The following IMMP2L variants were observed in gnomAD, a reference collection of about 807,000 sequenced individuals.
IMMP2L encodes the protein mitochondrial inner membrane protease subunit 2.
IMMP2L carries 18 observed loss-of-function variants against 19.3 expected under a neutral mutation model. The ratio of observed to expected loss-of-function variants is 0.93; its 90% CI spans 0.64 to 1.38. The LOEUF is 1.38. Ranked by LOEUF, IMMP2L falls within the 40% of genes most tolerant of loss-of-function variation. IMMP2L has a pLI of 0.00. For synonymous variants in IMMP2L, 76 were observed against 73.0 expected (o/e 1.04, Z -0.21); for missense variants, 233 against 218.2 (o/e 1.07, Z -0.43).
At chr7:110,967,091 T>C (rs904598697) in intron 3 of IMMP2L, among the ~76,000 whole-genome samples, 4 of 152,112 alleles carry the variant, frequency 2.6e-5, no homozygotes, top group Non-Finnish European at 4.4e-5. Flanking sequence ...TTTGGCAAGA[T>C]TTCTCCAGAG....
intron 3 of IMMP2L, among the ~76,000 whole-genome samples, chr7:111,113,483 G>C (rs1391866076): frequency 6.6e-6 from 1 of 151,902 alleles, no homozygotes; most frequent in African/African-American, 2.4e-5. Context: ...GCATACTTGT[G>C]CCTGTTCATA....
intron 2 of IMMP2L, among the ~76,000 whole-genome samples, chr7:111,508,370 A>G (rs1044497163): frequency 6.6e-6 from 1 of 152,210 alleles, no homozygotes; most frequent in Non-Finnish European, 1.5e-5. Context: ...AATTAAAAAA[A>G]GAACATAATT....
intron 1 of IMMP2L, among the ~76,000 whole-genome samples, chr7:111,557,313 A>G (rs1791481434): frequency 6.6e-6 from 1 of 152,106 alleles, no homozygotes; most frequent in South Asian, 2.1e-4. Context: ...ACTACTACAC[A>G]TGGTATAAGA....
chr7:110,836,270 C>T (rs1804464646), intron 5 of IMMP2L, among the ~76,000 whole-genome samples: 1 of 152,084 alleles, frequency 6.6e-6, no homozygotes, highest in South Asian at 2.1e-4. Context: ...GAGAGTAAAA[C>T]CTGAATTTAC....
chr7:111,267,448 G>A (rs1218775893), intron 3 of IMMP2L, among the ~76,000 whole-genome samples: 3 of 152,100 alleles, frequency 2.0e-5, no homozygotes, highest in Non-Finnish European at 2.9e-5. Flanking sequence ...GCTGCAGGGT[G>A]ATGGGAACTT....
chr7:110,756,178 T>C (rs1798030977), intron 5 of IMMP2L, among the ~76,000 whole-genome samples: 1 of 152,026 alleles, frequency 6.6e-6, no homozygotes, highest in African/African-American at 2.4e-5. Context: ...GATGCAGACA[T>C]GAGACATATT....
chr7:110,911,035 A>C (rs2129548345), intron 4 of IMMP2L, among the ~76,000 whole-genome samples: 1 of 152,308 alleles, frequency 6.6e-6, no homozygotes, highest in South Asian at 2.1e-4. Flanking sequence ...TCTTCAATAT[A>C]TGTGAAGCAT....
chr7:111,170,548 T>C (rs189631850), intron 3 of IMMP2L, among the ~76,000 whole-genome samples: 5 of 151,698 alleles, frequency 3.3e-5, no homozygotes, highest in African/African-American at 4.8e-5. Flanking sequence ...CCAGAAGAAA[T>C]TGATAGCACT....
intron 3 of IMMP2L, among the ~76,000 whole-genome samples, chr7:111,049,491 T>A (rs1286619159): frequency 6.6e-6 from 1 of 152,180 alleles, no homozygotes; most frequent in Non-Finnish European, 1.5e-5. Flanking sequence ...TATAGCTAAG[T>A]GACCTTTTAG....
chr7:111,223,700 GTA>G (rs1423087891), intron 3 of IMMP2L, among the ~76,000 whole-genome samples: 1 of 152,000 alleles, frequency 6.6e-6, no homozygotes, highest in Middle Eastern at 3.2e-3. Flanking sequence ...TGGCTATAGG[GTA>G]TATTTAACTG....
At chr7:110,689,654 T>G (rs1186086523) in intron 5 of IMMP2L, among the ~76,000 whole-genome samples, 17 of 152,200 alleles carry the variant, frequency 1.1e-4, no homozygotes, top group Non-Finnish European at 1.5e-5. Context: ...GAGATCATCC[T>G]CAAACCCCAA....
rs909751613 is a variant in IMMP2L at position 111,422,559 on chromosome 7, A to T, written c.239+64679T>A. On this transcript the variant is annotated intron_variant, in intron 3 of 5. Coordinates refer to ENST00000405709, the MANE Select transcript of IMMP2L (RefSeq NM_032549.4). ...ATAGAAATGCTTGTGATTTTTGCAC[A>T]TTGGTTTTGCATCCTGAGACTTTGC... Among the ~76,000 whole-genome samples, 32 of 151,826 alleles carry T rather than the reference A, an allele frequency of 2.1e-4. 2 individuals are homozygous for T. Among genetic ancestry groups the T allele is most frequent in the African/African-American group, 7.5e-4 (31 of 41,136 alleles).
intron 3 of IMMP2L, chr7:111,393,039 T>C (rs1407719948): frequency 3.0e-6 from 1 of 332,828 alleles, no homozygotes; most frequent in Admixed American, 3.8e-5. Flanking sequence ...CCATCAGTGA[T>C]TAGCTCAATC....
intron 3 of IMMP2L, among the ~76,000 whole-genome samples, chr7:111,109,534 T>C (rs916430914): frequency 1.3e-5 from 2 of 152,110 alleles, no homozygotes; most frequent in African/African-American, 4.8e-5. Flanking sequence ...AAAGCTTTAT[T>C]ACACAGAGCT....
At chr7:110,996,148 A>AT (rs375061058) in intron 3 of IMMP2L, among the ~76,000 whole-genome samples, 11 of 152,198 alleles carry the variant, frequency 7.2e-5, no homozygotes, top group African/African-American at 2.7e-4. Context: ...TATAAGTGCT[A>AT]TGACAAGTCA....
intron 3 of IMMP2L, among the ~76,000 whole-genome samples, chr7:111,297,336 C>T (rs75481137): frequency 0.02 from 3,075 of 152,106 alleles, 99 homozygotes; most frequent in African/African-American, 0.069. Flanking sequence ...AAAAGAAACA[C>T]AGGACCTTTC....
rs1357235598 is a variant in IMMP2L at position 111,162,383 on chromosome 7, TAG to T, written c.240-198820_240-198819del. ...ATGACCTCAGGTAAACACGCGCTCT[TAG>T]AGTCATATGGGATAAAGAAGTCTGG... On this transcript the variant is annotated intron_variant, in intron 3 of 5. Coordinates refer to ENST00000405709, the MANE Select transcript of IMMP2L (RefSeq NM_032549.4). Among the ~76,000 whole-genome samples, 8 of 152,154 alleles carry T rather than the reference TAG, an allele frequency of 5.3e-5. No individual in the cohort carries two copies. In the East Asian group the frequency reaches 1.5e-3, roughly 29 times the overall value.
rs1584687922 is a variant in IMMP2L, at chr7:111,336,204, G to C, written c.239+151034C>G. The stretch of plus-strand genomic sequence containing the variant: ...TGAGACTACAGGTGTGTGCCGCCAG[G>C]CCGGCTATTTTTTTTTTTTTTAAGT... On this transcript the variant is annotated intron_variant, in intron 3 of 5. Transcript: ENST00000405709. Among the ~76,000 whole-genome samples, 5 of 136,662 alleles carry C rather than the reference G, an allele frequency of 3.7e-5. No homozygotes were observed. In the South Asian group the frequency reaches 1.5e-3, roughly 41 times the overall value. 89.7% of individuals were successfully genotyped at this position (136,662 alleles called of 152,430 possible).
intron 4 of IMMP2L, among the ~76,000 whole-genome samples, chr7:110,905,884 A>T (rs1455626601): frequency 6.6e-6 from 1 of 152,220 alleles, no homozygotes; most frequent in East Asian, 1.9e-4. Context: ...CAATTTATTT[A>T]CCAATCTTTT....
Sources: allele counts gnomAD v4.1 joint callset (sites outside exome capture counted in the v4.1 genomes callset), GRCh38; gene constraint gnomAD v4.1.1; transcripts MANE v1.5; gene names NCBI Gene and HGNC (gene_info 2026-07-23, HGNC 2026-07-21).